The following CNTN6 variants were observed in gnomAD, a reference collection of about 807,000 sequenced individuals.
CNTN6 encodes the protein contactin 6, also known as contactin-6.
A neutral mutation model predicts 122.8 loss-of-function variants in CNTN6; 137 were observed. The ratio of observed to expected loss-of-function variants is 1.12; its 90% CI spans 0.97 to 1.29. The LOEUF (loss-of-function observed/expected upper bound fraction) is 1.29, where lower values mean the gene tolerates loss of function less well. Among genes scored for constraint, CNTN6 ranks in the 50% most tolerant of loss-of-function variants. The pLI, the probability that CNTN6 is intolerant of heterozygous loss-of-function variation, is 0.00. For missense variants in CNTN6, 1,634 were observed against 1,223.4 expected (o/e 1.34, Z -5.01); for synonymous variants, 570 against 426.0 (o/e 1.34, Z -4.16).
Position 1,309,983 on chromosome 3 carries a change from G to A in CNTN6, c.762-11667G>A, listed in dbSNP as rs144554617. Among the ~76,000 whole-genome samples, 989 of 152,198 alleles carry A rather than the reference G, an allele frequency of 6.5e-3. 9 individuals carry two copies. The highest frequency in any genetic ancestry group is 0.017 in the Middle Eastern group (5 of 294). ...TAACTGACTTTGATATATTAACATTGTATCTTGTTGCCTTGCTATAAGCAC... is the reference window on the plus strand; with the variant it reads ...TAACTGACTTTGATATATTAACATTATATCTTGTTGCCTTGCTATAAGCAC... On this transcript the variant is annotated intron_variant, in intron 7 of 22. Transcript: ENST00000446702.
intron 19 of CNTN6, among the ~76,000 whole-genome samples, chr3:1,384,507 C>T (rs1692447645): frequency 6.9e-6 from 1 of 144,246 alleles, no homozygotes; most frequent in African/African-American, 2.9e-5. Context: ...TGTAGGCCTT[C>T]ATCTCACAAA....
intron 7 of CNTN6, chr3:1,298,440 CTAAT>C (rs1696653708): frequency 6.5e-6 from 1 of 153,284 alleles, no homozygotes; most frequent in Non-Finnish European, 1.5e-5. Context: ...CAAAATAAGA[CTAAT>C]TAAAGTCCAT....
At chr3:1,263,874 G>C (rs1276778901) in intron 4 of CNTN6, among the ~76,000 whole-genome samples, 3 of 151,760 alleles carry the variant, frequency 2.0e-5, no homozygotes, top group East Asian at 3.9e-4. Context: ...CGTTAGATTG[G>C]TTAGCCAAGG....
intron 2 of CNTN6, among the ~76,000 whole-genome samples, chr3:1,202,570 A>G (rs2093899471): frequency 6.6e-6 from 1 of 150,808 alleles, no homozygotes; most frequent in Admixed American, 6.6e-5. Flanking sequence ...AAATAAATAA[A>G]TAAATAAATA....
chr3:1,388,260 CCCCG>C, intron 20 of CNTN6, among the ~76,000 whole-genome samples: 1 of 149,174 alleles, frequency 6.7e-6, no homozygotes, highest in East Asian at 2.0e-4. Context: ...GACCCCTGAC[CCCCG>C]AGCAGCCTAA....
intron 10 of CNTN6, 79 bp downstream of exon 10, chr3:1,327,665 T>A (rs1701730508): frequency 6.9e-7 from 1 of 1,441,206 alleles, no homozygotes; most frequent in Admixed American, 2.2e-5. Flanking sequence ...CAACCCAATT[T>A]TTTTTGTAAA....
intron 11 of CNTN6, among the ~76,000 whole-genome samples, chr3:1,331,381 A>G (rs1478444707): frequency 6.6e-6 from 1 of 151,994 alleles, no homozygotes; most frequent in African/African-American, 2.4e-5. Flanking sequence ...AAGCGTTACC[A>G]GCTTTACAGA....
At position 1,384,732 on chromosome 3, in the gene CNTN6, TATATATAC is replaced by T. The variant is rs71056336; in HGVS notation, c.2518-869_2518-862del. Among the ~76,000 whole-genome samples, 869 of 122,476 alleles carry T rather than the reference TATATATAC, an allele frequency of 7.1e-3. 11 individuals carry two copies. The highest frequency in any genetic ancestry group is 0.029 in the African/African-American group (821 of 28,788). 80.3% of individuals were successfully genotyped at this position (122,476 alleles called of 152,430 possible). ...CATATACATACTATATATACACACA[TATATATAC>T]ATATATACACATATATATACATATA... is the stretch of plus-strand genomic sequence containing the variant. On this transcript the variant is annotated intron_variant, in intron 19 of 22. Transcript: ENST00000446702.
intron 4 of CNTN6, among the ~76,000 whole-genome samples, chr3:1,253,019 A>C (rs1403351551): frequency 6.6e-6 from 1 of 152,172 alleles, no homozygotes; most frequent in Non-Finnish European, 1.5e-5. Context: ...AACTGCTAAG[A>C]TTGTATTTAG....
At chr3:1,398,109 G>A (rs149792672) in intron 20 of CNTN6, among the ~76,000 whole-genome samples, 56 of 151,832 alleles carry the variant, frequency 3.7e-4, no homozygotes, top group African/African-American at 1.3e-3. Flanking sequence ...ACCATTGACA[G>A]ACTTGGTACA....
intron 4 of CNTN6, among the ~76,000 whole-genome samples, chr3:1,257,565 T>A (rs886293352): frequency 3.9e-5 from 6 of 152,268 alleles, no homozygotes; most frequent in African/African-American, 1.2e-4. Context: ...CTATGAAATT[T>A]CCCCAATTCC....
chr3:1,108,207 T>C (rs1249504164), intron 1 of CNTN6, among the ~76,000 whole-genome samples: 1 of 152,050 alleles, frequency 6.6e-6, no homozygotes, highest in African/African-American at 2.4e-5. Flanking sequence ...CTCATGGTAT[T>C]AGAAGTTGTG....
intron 12 of CNTN6, among the ~76,000 whole-genome samples, chr3:1,353,447 T>C (rs1001530505): frequency 6.6e-6 from 1 of 151,722 alleles, no homozygotes; most frequent in Admixed American, 6.6e-5. Flanking sequence ...TGACGACAAT[T>C]GTCTGAAGTA....
chr3:1,297,757 T>C (rs908961833), intron 6 of CNTN6, 132 bp from the exon 7 acceptor site: 3 of 701,906 alleles, frequency 4.3e-6, no homozygotes, highest in Middle Eastern at 3.8e-4. Flanking sequence ...AGAATCTATA[T>C]GTATCCAATT....
chr3:1,380,338 G>A (rs1278742164), intron 17 of CNTN6, among the ~76,000 whole-genome samples: 1 of 152,106 alleles, frequency 6.6e-6, no homozygotes, highest in African/African-American at 2.4e-5. Flanking sequence ...CACAATAAAT[G>A]TAGATTTTTT....
At chr3:1,295,077 AC>A (rs1431746554) in intron 5 of CNTN6, among the ~76,000 whole-genome samples, 1 of 152,172 alleles carries the variant, frequency 6.6e-6, no homozygotes, top group African/African-American at 2.4e-5. Context: ...ACATAGTGAG[AC>A]CCCATCTCTT....
intron 17 of CNTN6, among the ~76,000 whole-genome samples, chr3:1,379,340 T>C (rs1559970604): frequency 6.6e-6 from 1 of 152,204 alleles, no homozygotes. Context: ...GCTTTCTTGC[T>C]GTTGCATGAG....
rs773862326 is a variant in CNTN6 at position 1,401,503 on chromosome 3, T to C, written c.2775T>C (p.His925=). ...TNSKLCLNWE[H]VKTMENESEV... is the part of the protein sequence containing the mutation. Reference sequence around the variant, plus strand: ...CTAAATTATGCTTGAACTGGGAGCATGTAAAAACCATGGAAAATGAGTCTG... The same window carrying C: ...CTAAATTATGCTTGAACTGGGAGCACGTAAAAACCATGGAAAATGAGTCTG... Residue 925 remains histidine (H), a synonymous_variant, in exon 21 of 23, where the codon CAT becomes CAC. Coordinates refer to ENST00000446702, the MANE Select transcript of CNTN6 (RefSeq NM_001289080.2). 1.4e-5 allele frequency: 22 copies of C among 1,611,868 alleles called. No individual in the cohort carries two copies. Among genetic ancestry groups the C allele is most frequent in the Admixed American group, 3.3e-5 (2 of 59,784 alleles).
chr3:1,156,726 TTTC>T (rs2125218361), intron 2 of CNTN6, among the ~76,000 whole-genome samples: 1 of 151,936 alleles, frequency 6.6e-6, no homozygotes. Flanking sequence ...TTTCTTTTTC[TTTC>T]TTTTTTTCCA....
Sources: gnomAD v4.1 joint callset for allele counts (sites outside exome capture counted in the v4.1 genomes callset) on GRCh38, gnomAD v4.1.1 for gene constraint, MANE v1.5 for transcripts, NCBI Gene and HGNC (gene_info 2026-07-23, HGNC 2026-07-21) for gene names.